SQOR: variants seen among roughly 807,000 people sequenced by gnomAD.
SQOR encodes the protein sulfide quinone oxidoreductase.
Under a neutral mutation model 48.6 loss-of-function variants are expected in SQOR, and 39 were observed. The ratio of observed to expected loss-of-function variants is 0.80; its 90% CI spans 0.62 to 1.05. The LOEUF (loss-of-function observed/expected upper bound fraction) is 1.05. Among genes scored for constraint, SQOR ranks in the 50% least tolerant of loss-of-function variants. The probability of loss-of-function intolerance (pLI) is 0.00; values close to 1 mark genes in which losing one functional copy is unlikely to be tolerated. For missense variants in SQOR, 561 were observed against 559.9 expected (o/e 1.00, Z -0.02); for synonymous variants, 220 against 206.2 (o/e 1.07, Z -0.57).
chr15:45,682,422 G>A, intron 6 of SQOR, 56 bp from the exon 7 acceptor site: 2 of 1,584,744 alleles, frequency 1.3e-6, no homozygotes, highest in Non-Finnish European at 1.7e-6. Flanking sequence ...GGGAGAGCTT[G>A]TGGAGCTGTA....
chr15:45,689,254 A>T (rs1890279143), intron 9 of SQOR, 37 bp downstream of exon 9: 2 of 1,605,310 alleles, frequency 1.2e-6, no homozygotes, highest in Admixed American at 1.7e-5. Flanking sequence ...GAGGAAAGGG[A>T]TTTGTAGCAC....
intron 1 of SQOR, among the ~76,000 whole-genome samples, chr15:45,649,604 T>C (rs564874945): frequency 7.2e-5 from 11 of 152,068 alleles, no homozygotes; most frequent in African/African-American, 2.4e-4. Flanking sequence ...CTCAGCCTCC[T>C]GAGTAGCTGG....
chr15:45,666,656 A>G (rs1049063729), intron 3 of SQOR, among the ~76,000 whole-genome samples: 3 of 152,084 alleles, frequency 2.0e-5, no homozygotes, highest in African/African-American at 7.2e-5. Flanking sequence ...ACTATATGCC[A>G]GCAGTTCTTG....
At position 45,673,769 on chromosome 15, in the gene SQOR, A is replaced by T. The variant is rs1257034970; in HGVS notation, c.622A>T (p.Ile208Phe). Residue 208 changes from isoleucine (I) to phenylalanine (F), a missense_variant, in exon 5 of 10, where the codon ATC (isoleucine) becomes TTC (phenylalanine). Ile to Phe is a conservative substitution (Grantham distance 21). Coordinates refer to ENST00000260324, the MANE Select transcript of SQOR (RefSeq NM_021199.4). ...PVKCAGAPQK[I>F]MYLSEAYFRK... is the part of the protein sequence containing the mutation. ...GAAGTGTGCTGGAGCCCCTCAGAAG[A>T]TCATGTACTTATCAGAAGCCTACTT... 1.2e-6 allele frequency: 2 copies of T among 1,614,042 alleles called. No homozygotes were observed. The highest frequency in any genetic ancestry group is 1.3e-5 in the African/African-American group (1 of 74,918).
intron 1 of SQOR, among the ~76,000 whole-genome samples, chr15:45,640,848 CCTACAGT>C (rs1345788384): frequency 3.3e-5 from 5 of 152,106 alleles, no homozygotes; most frequent in Non-Finnish European, 7.3e-5. Flanking sequence ...TGAGTCATGT[CCTACAGT>C]CTGCAGATGG....
intron 1 of SQOR, among the ~76,000 whole-genome samples, chr15:45,650,575 T>G (rs1889464166): frequency 6.6e-6 from 1 of 152,216 alleles, no homozygotes; most frequent in African/African-American, 2.4e-5. Flanking sequence ...CAGAAAGGAC[T>G]GCCACCGCTC....
Position 45,689,671 on chromosome 15 carries a change from C to T in SQOR, c.1295+454C>T, listed in dbSNP as rs1191532948. Among the ~76,000 whole-genome samples, 5 of 152,198 alleles carry T rather than the reference C, an allele frequency of 3.3e-5. No individual in the cohort carries two copies. In the East Asian group the frequency reaches 5.8e-4, roughly 18 times the overall value. On this transcript the variant is annotated intron_variant, in intron 9 of 9. Transcript: ENST00000260324. ...CCAACCTCAAGTGATCCGCCCGCCT[C>T]GGCCTCCCAATGTGTTGGGATTACA...
At chr15:45,638,595 G>A (rs556081265) in intron 1 of SQOR, among the ~76,000 whole-genome samples, 110 of 152,154 alleles carry the variant, frequency 7.2e-4, no homozygotes, top group African/African-American at 2.5e-3. Flanking sequence ...GGGGTAGTGT[G>A]CACCTGTAAT....
At chr15:45,650,376 ATG>A (rs944261395) in intron 1 of SQOR, among the ~76,000 whole-genome samples, 2 of 152,096 alleles carry the variant, frequency 1.3e-5, no homozygotes, top group Non-Finnish European at 2.9e-5. Flanking sequence ...TAACGTTCGA[ATG>A]TGTTTGGAGT....
chr15:45,669,811 C>G, intron 3 of SQOR, 117 bp from the exon 4 acceptor site: 1 of 841,564 alleles, frequency 1.2e-6, no homozygotes, highest in Non-Finnish European at 2.0e-6. Flanking sequence ...GTTCTATGGG[C>G]TAATAATATT....
intron 1 of SQOR, among the ~76,000 whole-genome samples, chr15:45,649,646 A>T (rs1566915273): frequency 6.6e-6 from 1 of 151,322 alleles, no homozygotes; most frequent in African/African-American, 2.4e-5. Flanking sequence ...TGCCCAGCTA[A>T]TTTTTTTTGT....
chr15:45,652,745 G>C (rs1432285097), intron 1 of SQOR, among the ~76,000 whole-genome samples: 1 of 149,590 alleles, frequency 6.7e-6, no homozygotes, highest in African/African-American at 2.5e-5. Context: ...GCCGAGGCAG[G>C]TGGATCACTT....
At chr15:45,643,738 C>G (rs1895146189) in intron 1 of SQOR, among the ~76,000 whole-genome samples, 2 of 152,088 alleles carry the variant, frequency 1.3e-5, no homozygotes, top group African/African-American at 4.8e-5. Flanking sequence ...CCTGAATTTG[C>G]ACATAGACTT....
intron 2 of SQOR, among the ~76,000 whole-genome samples, chr15:45,661,258 G>C (rs955652058): frequency 3.0e-5 from 4 of 135,344 alleles, no homozygotes; most frequent in Non-Finnish European, 4.6e-5. Context: ...CTCCAGCCTG[G>C]GTGATTGGGG....
chr15:45,653,928 C>A (rs1889544647), intron 1 of SQOR, among the ~76,000 whole-genome samples: 2 of 151,966 alleles, frequency 1.3e-5, no homozygotes, highest in Admixed American at 1.3e-4. Context: ...ATGAGGCCAG[C>A]CTGGCTAACA....
intron 1 of SQOR, among the ~76,000 whole-genome samples, chr15:45,642,857 A>G (rs1176416575): frequency 6.6e-6 from 1 of 151,624 alleles, no homozygotes; most frequent in Non-Finnish European, 1.5e-5. Context: ...CCTCTATCTT[A>G]TCTGAATCTT....
chr15:45,649,787 T>C (rs1566915322), intron 1 of SQOR, among the ~76,000 whole-genome samples: 2 of 151,912 alleles, frequency 1.3e-5, no homozygotes, highest in African/African-American at 4.8e-5. Context: ...CTGGCCTCAT[T>C]TTTTAAGAAT....
At chr15:45,653,757 C>A (rs1269735280) in intron 1 of SQOR, among the ~76,000 whole-genome samples, 1 of 152,164 alleles carries the variant, frequency 6.6e-6, no homozygotes, top group Non-Finnish European at 1.5e-5. Context: ...ACTTCCATCA[C>A]TCAGGTAATC....
At chr15:45,665,621 T>C (rs1889800464) in intron 3 of SQOR, among the ~76,000 whole-genome samples, 1 of 151,964 alleles carries the variant, frequency 6.6e-6, no homozygotes. Context: ...TCTCACTCTT[T>C]TGTCCAGGCT....
Sources: allele counts gnomAD v4.1 joint callset (sites outside exome capture counted in the v4.1 genomes callset), GRCh38; gene constraint gnomAD v4.1.1; transcripts MANE v1.5; gene names NCBI Gene and HGNC (gene_info 2026-07-23, HGNC 2026-07-21).